CACNA2D2: variants seen among roughly 807,000 people sequenced by gnomAD.
CACNA2D2 encodes the protein voltage-dependent calcium channel subunit alpha-2/delta-2.
CACNA2D2 carries 48 observed loss-of-function variants against 166.4 expected under a neutral mutation model. The observed-to-expected ratio is 0.29, with a 90% CI of 0.23 to 0.37. The LOEUF (loss-of-function observed/expected upper bound fraction) is 0.37, where lower values mean the gene tolerates loss of function less well. Among genes scored for constraint, CACNA2D2 ranks in the 10% least tolerant of loss-of-function variants. CACNA2D2 has a pLI of 1.00. For missense variants in CACNA2D2, 1,122 were observed against 1,433.0 expected (o/e 0.78, Z 3.50); for synonymous variants, 561 against 573.7 (o/e 0.98, Z 0.32).
intron 1 of CACNA2D2, 79 bp downstream of exon 1, chr3:50,503,139 G>T (rs942774056): frequency 5.9e-5 from 49 of 836,272 alleles, no homozygotes; most frequent in Non-Finnish European, 7.4e-5. Context: ...GCGGAGCGCA[G>T]GGAAGGAGTA....
At position 50,362,913 on chromosome 3, in the gene CACNA2D2, G is replaced by A; in HGVS notation, c.*1753C>T. On this transcript the variant is annotated 3_prime_UTR_variant, in exon 38 of 38. Transcript: ENST00000424201. ...TTTTACAAAGTTTCTTGACTTTTTTGTCGCTGTTGTTTTTCCAACTTGTCT... is the reference window on the plus strand; with the variant it reads ...TTTTACAAAGTTTCTTGACTTTTTTATCGCTGTTGTTTTTCCAACTTGTCT... 2.5e-6 allele frequency: 1 copy of A among 393,584 alleles called. No homozygotes were observed. Among genetic ancestry groups the A allele is most frequent in the Non-Finnish European group, 4.5e-6 (1 of 223,464 alleles). 24.4% of individuals were successfully genotyped at this position (393,584 alleles called of 1,614,324 possible).
In CACNA2D2 at chr3:50,365,560, C is replaced by T; in HGVS notation, c.2971+73G>A. 1.3e-6 allele frequency: 2 copies of T among 1,587,272 alleles called. No individual in the cohort carries two copies. The highest frequency in any genetic ancestry group is 1.7e-6 in the Non-Finnish European group (2 of 1,166,178). Reference sequence around the variant, plus strand: ...CGGCCTCCCTCAGTCGTAGACCCCACCCTCCCCATGGAGTCGTCTTAGCTC... The same window carrying T: ...CGGCCTCCCTCAGTCGTAGACCCCATCCTCCCCATGGAGTCGTCTTAGCTC... On this transcript the variant is annotated intron_variant, in intron 34 of 37. Transcript: ENST00000424201. This position sits in a 1 kb window ranked among gnomAD's most constrained non-coding sequence, Gnocchi z 4.5.
intron 2 of CACNA2D2, among the ~76,000 whole-genome samples, chr3:50,451,775 C>G (rs1356275056): frequency 6.6e-6 from 1 of 152,182 alleles, no homozygotes; most frequent in African/African-American, 2.4e-5. Context: ...CCCTGTCCCA[C>G]AGGTGCACCC....
intron 6 of CACNA2D2, among the ~76,000 whole-genome samples, chr3:50,381,546 G>C (rs999276541): frequency 6.6e-6 from 1 of 151,670 alleles, no homozygotes; most frequent in Non-Finnish European, 1.5e-5. Flanking sequence ...GCAATTAAGG[G>C]CCTGCTGATG....
At chr3:50,399,733 C>T (rs1157693357) in intron 3 of CACNA2D2, among the ~76,000 whole-genome samples, 2 of 152,188 alleles carry the variant, frequency 1.3e-5, no homozygotes, top group Non-Finnish European at 2.9e-5. Context: ...AACCCAGGTT[C>T]GCCTGGTGGT....
chr3:50,431,105 T>C (rs1470433305), intron 3 of CACNA2D2, among the ~76,000 whole-genome samples: 1 of 152,218 alleles, frequency 6.6e-6, no homozygotes, highest in East Asian at 1.9e-4. Flanking sequence ...GAGCAAAGGA[T>C]TTAAATTGGA....
chr3:50,418,679 T>C (rs1448042479), intron 3 of CACNA2D2, among the ~76,000 whole-genome samples: 1 of 152,228 alleles, frequency 6.6e-6, no homozygotes, highest in Non-Finnish European at 1.5e-5. Flanking sequence ...GCCTCTTCTC[T>C]GCGGCATCCT....
At chr3:50,437,970 G>A (rs974383039) in intron 2 of CACNA2D2, among the ~76,000 whole-genome samples, 5 of 152,218 alleles carry the variant, frequency 3.3e-5, no homozygotes, top group African/African-American at 1.2e-4. Flanking sequence ...ACCTCTGCTG[G>A]ACTAAGGAGC....
chr3:50,448,055 G>A (rs1708932970), intron 2 of CACNA2D2, among the ~76,000 whole-genome samples: 1 of 152,140 alleles, frequency 6.6e-6, no homozygotes, highest in Non-Finnish European at 1.5e-5. Flanking sequence ...TGAGCCCTCT[G>A]AGTTGCTATC....
chr3:50,456,285 A>C (rs2106981974), intron 2 of CACNA2D2, among the ~76,000 whole-genome samples: 1 of 152,318 alleles, frequency 6.6e-6, no homozygotes. Context: ...CCCAAGACAC[A>C]AAAGCTGCCC....
In CACNA2D2 at chr3:50,394,175, G is replaced by A. The variant is rs186631992; in HGVS notation, c.406-7C>T. 97 of 1,613,718 alleles carry A rather than the reference G, an allele frequency of 6.0e-5. No homozygotes were observed. The African/African-American group carries it at 1.1e-3, about 18-fold the overall frequency. ...CTGCAGCATCAGCCAGTCTCTGAGG[G>A]ACAGAGCACAGGGAGGTCAGAAGCG... On this transcript the variant is annotated splice_region_variant and splice_polypyrimidine_tract_variant and intron_variant, in intron 3 of 37. Transcript: ENST00000424201.
At chr3:50,428,655 G>A (rs952552403) in intron 3 of CACNA2D2, among the ~76,000 whole-genome samples, 1 of 152,172 alleles carries the variant, frequency 6.6e-6, no homozygotes, top group Non-Finnish European at 1.5e-5. Context: ...ACTGCATGCC[G>A]CCCCCTCCCA....
chr3:50,480,286 A>G (rs2107110342), intron 1 of CACNA2D2, among the ~76,000 whole-genome samples: 1 of 152,308 alleles, frequency 6.6e-6, no homozygotes, highest in African/African-American at 2.4e-5. Context: ...TGTCCCTCAG[A>G]ACCTCAGCTT....
intron 2 of CACNA2D2, among the ~76,000 whole-genome samples, chr3:50,462,418 A>G (rs999342559): frequency 4.1e-5 from 6 of 147,200 alleles, no homozygotes; most frequent in Admixed American, 6.8e-5. Flanking sequence ...TAATAATAAT[A>G]ATAATAATAA....
chr3:50,441,128 A>T (rs1332736787), intron 2 of CACNA2D2, among the ~76,000 whole-genome samples: 1 of 151,886 alleles, frequency 6.6e-6, no homozygotes, highest in Non-Finnish European at 1.5e-5. Context: ...GGACAGGGGG[A>T]TCCTCCAGGA....
chr3:50,364,832 C>T lies in CACNA2D2; in HGVS notation c.3292-26G>A, dbSNP rs41304866. ...CTGCGGGGAGAGACAAGGAGCTGGT[C>T]GGCCTGGGCGGGCGCAAGGCCGCGG... On this transcript the variant is annotated intron_variant, in intron 37 of 37. Transcript: ENST00000424201. 15,812 of 1,612,988 alleles carry T rather than the reference C, an allele frequency of 9.8e-3. 99 individuals are homozygous for T. The highest frequency in any genetic ancestry group is 0.011 in the Non-Finnish European group (13,304 of 1,179,832).
chr3:50,390,427 C>T (rs587701771), intron 4 of CACNA2D2, among the ~76,000 whole-genome samples: 211 of 152,252 alleles, frequency 1.4e-3, no homozygotes, highest in Non-Finnish European at 1.6e-3. Flanking sequence ...AGCTGGGCCT[C>T]CCCAGGGGTA....
chr3:50,390,690 G>C (rs1436555775), intron 4 of CACNA2D2, among the ~76,000 whole-genome samples: 1 of 152,198 alleles, frequency 6.6e-6, no homozygotes, highest in East Asian at 1.9e-4. Flanking sequence ...ACAGATAACA[G>C]GCGAGGGGCG....
At chr3:50,392,993 G>A (rs1326710177) in intron 4 of CACNA2D2, among the ~76,000 whole-genome samples, 1 of 152,200 alleles carries the variant, frequency 6.6e-6, no homozygotes, top group Non-Finnish European at 1.5e-5. Context: ...AGAGTGCCAT[G>A]GTGTGGGCAA....
Sources: gnomAD v4.1 joint callset for allele counts (sites outside exome capture counted in the v4.1 genomes callset) on GRCh38, gnomAD v4.1.1 for gene constraint, Gnocchi (gnomAD v3.1) non-coding constraint, MANE v1.5 for transcripts, NCBI Gene and HGNC (gene_info 2026-07-23, HGNC 2026-07-21) for gene names.